RASGRP3: variants seen among roughly 807,000 people sequenced by gnomAD.
RASGRP3 encodes the protein RAS guanyl releasing protein 3.
In RASGRP3, 54 loss-of-function variants were observed where a neutral mutation model predicts 82.7. The observed-to-expected ratio is 0.65, with a 90% CI of 0.52 to 0.82. The LOEUF (loss-of-function observed/expected upper bound fraction) is 0.82, where lower values mean the gene tolerates loss of function less well. Ranked by LOEUF, RASGRP3 falls within the 40% of genes least tolerant of loss-of-function variation. The probability of loss-of-function intolerance (pLI) is 0.00; values close to 1 mark genes in which losing one functional copy is unlikely to be tolerated. For missense variants in RASGRP3, 861 were observed against 828.9 expected (o/e 1.04, Z -0.48); for synonymous variants, 309 against 300.5 (o/e 1.03, Z -0.29).
upstream of RASGRP3, among the ~76,000 whole-genome samples, chr2:33,473,670 T>C (rs986578667): frequency 1.3e-5 from 2 of 152,174 alleles, no homozygotes; most frequent in African/African-American, 2.4e-5. Flanking sequence ...GGCTGTGTTA[T>C]TGTAGAACCT....
chr2:33,527,162 TCTC>T lies in RASGRP3; in HGVS notation c.838_840del (p.Ser280del). 6.2e-7 allele frequency: 1 copy of T among 1,614,000 alleles called. No individual in the cohort carries two copies. Among genetic ancestry groups the T allele is most frequent in the South Asian group, 1.1e-5 (1 of 91,086 alleles). On this transcript the variant is annotated inframe_deletion, in exon 10 of 18. Coordinates refer to ENST00000403687, the MANE Select transcript of RASGRP3 (RefSeq NM_001139488.2). ...AACTGGAATGAAATGACAGAGTTGG[TCTC>T]CTCCAACGGCAATTACTGCAATTAC...
intron 2 of RASGRP3, among the ~76,000 whole-genome samples, chr2:33,464,464 CAGTGA>C (rs1666568996): frequency 7.4e-6 from 1 of 134,994 alleles, no homozygotes. Flanking sequence ...GATCTGTGAT[CAGTGA>C]TCTTTTTTTA....
intron 2 of RASGRP3, among the ~76,000 whole-genome samples, chr2:33,462,296 C>T (rs888656466): frequency 2.6e-5 from 4 of 151,322 alleles, no homozygotes; most frequent in African/African-American, 9.7e-5. Flanking sequence ...TAGAGTGAGG[C>T]TGTGATGCAA....
At chr2:33,499,763 CAA>C (rs34878885) in intron 1 of RASGRP3, among the ~76,000 whole-genome samples, 1 of 123,884 alleles carries the variant, frequency 8.1e-6, no homozygotes. Context: ...ATATCAAATC[CAA>C]AAAAAAAAAG....
chr2:33,547,839 A>C (rs1244017851), intron 13 of RASGRP3, among the ~76,000 whole-genome samples: 4 of 152,080 alleles, frequency 2.6e-5, no homozygotes, highest in African/African-American at 9.7e-5. Context: ...GGGGAGCTGG[A>C]GAGGAAGGAG....
chr2:33,501,969 T>C (rs1669913849), intron 1 of RASGRP3, among the ~76,000 whole-genome samples: 1 of 151,516 alleles, frequency 6.6e-6, no homozygotes, highest in African/African-American at 2.4e-5. Flanking sequence ...TTTGCCAGAG[T>C]AGTTTGAATA....
intron 1 of RASGRP3, among the ~76,000 whole-genome samples, chr2:33,494,944 C>G (rs1558443016): frequency 1.3e-5 from 2 of 152,190 alleles, no homozygotes; most frequent in East Asian, 1.9e-4. Context: ...CAGAAATCTC[C>G]AAATTTACTT....
At chr2:33,483,944 G>A (rs1668152486) in intron 1 of RASGRP3, among the ~76,000 whole-genome samples, 1 of 152,012 alleles carries the variant, frequency 6.6e-6, no homozygotes, top group Non-Finnish European at 1.5e-5. Context: ...ACCAAAAGGA[G>A]GAGCGACAAG....
chr2:33,518,102 C>T (rs1455101180), intron 4 of RASGRP3, among the ~76,000 whole-genome samples: 3 of 152,040 alleles, frequency 2.0e-5, no homozygotes, highest in South Asian at 2.1e-4. Context: ...CATAACATAA[C>T]GACGGGGATA....
At chr2:33,485,632 C>G (rs1056630433) in intron 1 of RASGRP3, among the ~76,000 whole-genome samples, 9 of 152,154 alleles carry the variant, frequency 5.9e-5, no homozygotes, top group East Asian at 3.9e-4. Flanking sequence ...ATATTGGCAC[C>G]AAGAGGGACA....
In RASGRP3 at chr2:33,558,853, G is replaced by A; in HGVS notation, c.1887G>A (p.Gly629=). The change falls in exon 17 of 18, where the codon GGG becomes GGA. Residue 629 remains glycine, a synonymous_variant. Transcript: ENST00000403687. Reference sequence around the variant, plus strand: ...CAGAGGCTGGCTGGGGGGACTCGGGGTCCCACACCTTCCCTAAAATGAAAT... The same window carrying A: ...CAGAGGCTGGCTGGGGGGACTCGGGATCCCACACCTTCCCTAAAATGAAAT... ...VWSEAGWGDS[G]SHTFPKMKSK... 6.2e-7 allele frequency: 1 copy of A among 1,613,982 alleles called. No individual in the cohort carries two copies. Among genetic ancestry groups the A allele is most frequent in the Non-Finnish European group, 8.5e-7 (1 of 1,179,898 alleles).
chr2:33,549,519 T>G, intron 13 of RASGRP3, 85 bp from the exon 14 acceptor site: 1 of 1,350,724 alleles, frequency 7.4e-7, no homozygotes, highest in Non-Finnish European at 1.0e-6. Flanking sequence ...GCCACAAAGG[T>G]TTGGGAGGTG....
intron 14 of RASGRP3, among the ~76,000 whole-genome samples, chr2:33,551,130 T>A (rs187998608): frequency 6.6e-6 from 1 of 152,208 alleles, no homozygotes; most frequent in African/African-American, 2.4e-5. Context: ...CTGGCCAACA[T>A]GGTGAAAACC....
rs184535747 is a variant in RASGRP3, at chr2:33,536,851, C to T, written c.1162-2243C>T. Among the ~76,000 whole-genome samples the T allele has an allele frequency of 5.9e-5, 9 of 152,238 alleles. No homozygotes were observed. In the East Asian group the frequency reaches 7.7e-4, roughly 13 times the overall value. On this transcript the variant is annotated intron_variant, in intron 11 of 17. Coordinates refer to ENST00000403687, the MANE Select transcript of RASGRP3 (RefSeq NM_001139488.2). ...GGGGAACATACAGACAAGTGGGTGC[C>T]GGCGTGGGGGCCGGGGAGAGTGCTT...
At position 33,453,481 on chromosome 2, in the gene RASGRP3, G is replaced by GTTAGCTGAGACTTCAGTTCC. The variant is rs1665899171; in HGVS notation, c.-261+5541_-261+5560dup. On this transcript the variant is annotated intron_variant, in intron 2 of 18. Coordinates refer to the RASGRP3 transcript ENST00000402538. ...TATGGCTGGCATGTTGGTGCTGGCT[G>GTTAGCTGAGACTTCAGTTCC]TTAGCTGAGACTTCAGTTCCTTTCT... is the stretch of plus-strand genomic sequence containing the variant. 2.6e-5 allele frequency among the ~76,000 whole-genome samples: 4 copies of GTTAGCTGAGACTTCAGTTCC among 152,206 alleles called. No homozygotes were observed. In the South Asian group the frequency reaches 8.3e-4, roughly 32 times the overall value.
rs188651909 is a variant in RASGRP3 at position 33,503,832 on chromosome 2, C to T, written c.-260-7878C>T. 4.4e-3 allele frequency among the ~76,000 whole-genome samples: 668 copies of T among 152,164 alleles called. 5 individuals carry two copies. The highest frequency in any genetic ancestry group is 0.015 in the African/African-American group (611 of 41,502). On this transcript the variant is annotated intron_variant, in intron 1 of 17. Transcript: ENST00000403687. The stretch of plus-strand genomic sequence containing the variant: ...TCAGTATCTATATATACAAAGTTAG[C>T]GTCTAAATGGTAAAGGAAATCTATT...
intron 1 of RASGRP3, among the ~76,000 whole-genome samples, chr2:33,502,160 C>T (rs1273413983): frequency 2.0e-5 from 3 of 151,980 alleles, no homozygotes; most frequent in Non-Finnish European, 2.9e-5. Context: ...AGACACCTCA[C>T]GTTTATCTAT....
chr2:33,527,606 C>T (rs1461579963), intron 10 of RASGRP3, among the ~76,000 whole-genome samples, 194 bp downstream of exon 10: 1 of 152,154 alleles, frequency 6.6e-6, no homozygotes, highest in Non-Finnish European at 1.5e-5. Flanking sequence ...AATCTTGGGG[C>T]AAAGAAATCT....
chr2:33,471,370 T>C (rs1667054132), intron 2 of RASGRP3, among the ~76,000 whole-genome samples: 1 of 129,544 alleles, frequency 7.7e-6, no homozygotes, highest in African/African-American at 3.0e-5. Flanking sequence ...TTTGTAGAGA[T>C]GGAGTCTCGC....
Sources: allele counts gnomAD v4.1 joint callset (sites outside exome capture counted in the v4.1 genomes callset), GRCh38; gene constraint gnomAD v4.1.1; transcripts MANE v1.5; gene names NCBI Gene and HGNC (gene_info 2026-07-23, HGNC 2026-07-21).